ZC3H12D: variants seen among roughly 807,000 people sequenced by gnomAD.
The protein encoded by ZC3H12D is probable ribonuclease ZC3H12D.
ZC3H12D carries 11 observed loss-of-function variants against 24.2 expected under a neutral mutation model. That is an observed-to-expected ratio of 0.46 (90% CI 0.29 to 0.75). The LOEUF (loss-of-function observed/expected upper bound fraction) is 0.75. Ranked by LOEUF, ZC3H12D falls within the 30% of genes least tolerant of loss-of-function variation. The pLI, the probability that ZC3H12D is intolerant of heterozygous loss-of-function variation, is 0.11. For synonymous variants in ZC3H12D, 333 were observed against 341.8 expected (o/e 0.97, Z 0.28); for missense variants, 740 against 767.7 (o/e 0.96, Z 0.43).
rs117053307 is a variant in ZC3H12D, at chr6:149,464,198, G to T, written c.306-2228C>A. Among the ~76,000 whole-genome samples the T allele has an allele frequency of 1.5e-3, 221 of 152,268 alleles. 2 individuals carry two copies. The highest frequency in any genetic ancestry group is 2.1e-3 in the Non-Finnish European group (143 of 68,032). On this transcript the variant is annotated intron_variant, in intron 2 of 5. Transcript: ENST00000409806. Reference sequence around the variant, plus strand: ...ATATCATATGGGACTCAGGAGGGACGGATCTGAGAAGGAGGAAGAAAACCA... The same window carrying T: ...ATATCATATGGGACTCAGGAGGGACTGATCTGAGAAGGAGGAAGAAAACCA...
chr6:149,460,038 C>T (rs1240969184), intron 3 of ZC3H12D, among the ~76,000 whole-genome samples: 1 of 152,206 alleles, frequency 6.6e-6, no homozygotes, highest in Non-Finnish European at 1.5e-5. Context: ...TGTAGTGTGA[C>T]GTGTGACTCA....
intron 1 of ZC3H12D, among the ~76,000 whole-genome samples, chr6:149,475,102 C>A (rs567928502): frequency 1.3e-5 from 2 of 152,252 alleles, no homozygotes; most frequent in South Asian, 4.1e-4. Context: ...ACAGAGGGAC[C>A]ACCATGTGAA....
In ZC3H12D at chr6:149,456,622, C is replaced by CCCCCCCCCCCCCCCCCCGGGGGAAG; in HGVS notation, c.680+43_680+44insCTTCCCCCGGGGGGGGGGGGGGGGG. On this transcript the variant is annotated intron_variant, in intron 4 of 5. Transcript: ENST00000409806. The surrounding 1 kb of genome is among the most constrained non-coding windows in gnomAD (Gnocchi z 4.3). ...GGCCACTGCCTCGACCCCGGCCCCCCGCCCCGCCGCCCCCCAGGGTGTCAG... is the reference window on the plus strand; with the variant it reads ...GGCCACTGCCTCGACCCCGGCCCCCCCCCCCCCCCCCCCCCCCGGGGGAAGGCCCCGCCGCCCCCCAGGGTGTCAG... The CCCCCCCCCCCCCCCCCCGGGGGAAG allele has an allele frequency of 3.0e-6, 4 of 1,314,352 alleles. No homozygotes were observed. Among genetic ancestry groups the CCCCCCCCCCCCCCCCCCGGGGGAAG allele is most frequent in the East Asian group, 4.7e-5 (2 of 42,326 alleles). The allele number at this position is 1,314,352 out of a possible 1,614,324, so 81.4% of individuals were successfully genotyped here. A position where few individuals can be genotyped will look rare whatever the true frequency, so the allele number is the denominator to read the frequency against.
chr6:149,482,258 G>C (rs1776439355), intron 1 of ZC3H12D, among the ~76,000 whole-genome samples: 1 of 152,254 alleles, frequency 6.6e-6, no homozygotes, highest in Admixed American at 6.5e-5. Flanking sequence ...GGAGTGGGGT[G>C]CTGCTCTTAG....
Position 149,450,687 on chromosome 6 carries a change from G to A in ZC3H12D, c.1580C>T (p.Pro527Leu). The change falls in exon 6 of 6, where the codon CCC (proline) becomes CTC (leucine). Residue 527 changes from proline to leucine, a missense_variant. Transcript: ENST00000409806. The part of the protein sequence containing the change: ...CQSAGAPLGK[P>L] Reference sequence around the variant, plus strand: ...CTGCAAGTGCGTGTTGGTCCCTTAGGGCTTGCCCAGGGGCGCCCCCGCGCT... The same window carrying A: ...CTGCAAGTGCGTGTTGGTCCCTTAGAGCTTGCCCAGGGGCGCCCCCGCGCT... 6.5e-7 allele frequency: 1 copy of A among 1,527,088 alleles called. No individual in the cohort carries two copies. The highest frequency in any genetic ancestry group is 1.4e-5 in the African/African-American group (1 of 72,760). The allele number at this position is 1,527,088 out of a possible 1,614,324, so 94.6% of individuals were successfully genotyped here.
intron 3 of ZC3H12D, among the ~76,000 whole-genome samples, chr6:149,458,519 C>T (rs1347500898): frequency 6.6e-6 from 1 of 151,938 alleles, no homozygotes; most frequent in Non-Finnish European, 1.5e-5. Flanking sequence ...TTGTCTTTTT[C>T]GTTCATCATT....
Position 149,450,781 on chromosome 6 carries a change from G to A in ZC3H12D, c.1486C>T (p.Arg496Cys). 1 of 1,549,184 alleles carries A rather than the reference G, an allele frequency of 6.5e-7. No homozygotes were observed. Among genetic ancestry groups the A allele is most frequent in the Non-Finnish European group, 8.7e-7 (1 of 1,146,730 alleles). ...YSVFPRDQVD[R>C]VMAAFPELSD... ...AGCTCCGGGAACGCGGCCATCACGC[G>A]GTCCACCTGGTCACGCGGGAAGACG... The change falls in exon 6 of 6, where the codon CGC (arginine) becomes TGC (cysteine). Residue 496 changes from arginine to cysteine, a missense_variant. By Grantham distance (180) the Arg-to-Cys change is radical. Transcript: ENST00000409806.
chr6:149,447,031 G>C lies in ZC3H12D; in HGVS notation c.*3652C>G, dbSNP rs1422208176. On this transcript the variant is annotated 3_prime_UTR_variant, in exon 6 of 6. Transcript: ENST00000409806. The stretch of plus-strand genomic sequence containing the variant: ...GCAGCTTCTATGAGATGGCTTCATA[G>C]TTCTATAATGAGGATTTTAGAAGTC... 6.6e-6 allele frequency: 1 copy of C among 152,232 alleles called. No homozygotes were observed. Among genetic ancestry groups the C allele is most frequent in the Non-Finnish European group, 1.5e-5 (1 of 68,042 alleles). The allele number at this position is 152,232 out of a possible 1,614,324, so 9.4% of individuals were successfully genotyped here.
At position 149,456,932 on chromosome 6, in the gene ZC3H12D, G is replaced by A. The variant is rs939297384; in HGVS notation, c.446-32C>T. On this transcript the variant is annotated intron_variant, in intron 3 of 5. Coordinates refer to ENST00000409806, the MANE Select transcript of ZC3H12D (RefSeq NM_207360.3). The surrounding 1 kb of genome is among the most constrained non-coding windows in gnomAD (Gnocchi z 4.3). ...GCGGGGCGACGGAGACGCGGGTGAG[G>A]GCCCAAGGGCACCGCCCCTGAGAAC... 2 of 1,577,882 alleles carry A rather than the reference G, an allele frequency of 1.3e-6. No individual in the cohort carries two copies. The highest frequency in any genetic ancestry group is 1.7e-6 in the Non-Finnish European group (2 of 1,163,724).
chr6:149,468,582 C>T (rs1776196880), intron 2 of ZC3H12D, among the ~76,000 whole-genome samples: 1 of 152,216 alleles, frequency 6.6e-6, no homozygotes, highest in African/African-American at 2.4e-5. Flanking sequence ...GCTCTTGCCA[C>T]TCTGTTTCTT....
At chr6:149,459,499 G>C (rs1481082539) in intron 3 of ZC3H12D, 9 of 693,688 alleles carry the variant, frequency 1.3e-5, no homozygotes, top group South Asian at 1.3e-4. Context: ...CCACAGCCCA[G>C]AATATGCGCA....
Position 149,452,828 on chromosome 6 carries a change from G to T in ZC3H12D, c.681-106C>A. The T allele has an allele frequency of 1.0e-6, 1 of 961,130 alleles. No homozygotes were observed. The highest frequency in any genetic ancestry group is 1.6e-6 in the Non-Finnish European group (1 of 635,822). The allele number at this position is 961,130 out of a possible 1,614,324, so 59.5% of individuals were successfully genotyped here. ...TCCCCAAGAACACCAGGAAGCATTCGGCCCCGGGCCCACCATCACCCAGCA... is the reference window on the plus strand; with the variant it reads ...TCCCCAAGAACACCAGGAAGCATTCTGCCCCGGGCCCACCATCACCCAGCA... On this transcript the variant is annotated intron_variant, in intron 4 of 5. Transcript: ENST00000409806. The surrounding 1 kb of genome is among the most constrained non-coding windows in gnomAD (Gnocchi z 4.0).
Position 149,451,361 on chromosome 6 carries a change from G to GTATCATTAAA in ZC3H12D, c.905_906insTTTAATGATA (p.Ala303LeufsTer94). ...CTCTCGGTGGCCGCTGCTCCTCGGCGCCCGCGCCAGGCCGGGCCCCTGTCT... is the reference window on the plus strand; with the variant it reads ...CTCTCGGTGGCCGCTGCTCCTCGGCGTATCATTAAACCCGCGCCAGGCCGGGCCCCTGTCT... On this transcript the variant is annotated frameshift_variant, in exon 6 of 6. Coordinates refer to ENST00000409806, the MANE Select transcript of ZC3H12D (RefSeq NM_207360.3). LOFTEE classifies it low-confidence loss of function (END_TRUNC). 1 of 1,479,710 alleles carries GTATCATTAAA rather than the reference G, an allele frequency of 6.8e-7. No homozygotes were observed. The highest frequency in any genetic ancestry group is 2.3e-5 in the Admixed American group (1 of 43,982). 91.7% of individuals were successfully genotyped at this position (1,479,710 alleles called of 1,614,324 possible).
intron 1 of ZC3H12D, among the ~76,000 whole-genome samples, chr6:149,478,114 C>G (rs1776369374): frequency 6.7e-6 from 1 of 148,972 alleles, no homozygotes; most frequent in South Asian, 2.1e-4. Context: ...TTGTGGTAAG[C>G]CGGGATCATG....
chr6:149,448,254 T>C lies in ZC3H12D; in HGVS notation c.*2429A>G, dbSNP rs1020637371. 2.6e-5 allele frequency: 4 copies of C among 152,040 alleles called. No individual in the cohort carries two copies. The highest frequency in any genetic ancestry group is 6.6e-5 in the Admixed American group (1 of 15,254). 9.4% of individuals were successfully genotyped at this position (152,040 alleles called of 1,614,324 possible). A position where few individuals can be genotyped will look rare whatever the true frequency, so the allele number is the denominator to read the frequency against. ...ATGTAGTGAGCCAAGATTGCGCCAC[T>C]GCACTCCAGCCTGGGTGACAGAGCG... On this transcript the variant is annotated 3_prime_UTR_variant, in exon 6 of 6. Transcript: ENST00000409806.
In ZC3H12D at chr6:149,456,986, CG is replaced by C; in HGVS notation, c.446-87del. ...CCCCAACGCGAGGCCACCCGCTTCC[CG>C]GGCCGGTCAGATGAGGTTTTGAGGG... On this transcript the variant is annotated intron_variant, in intron 3 of 5. Coordinates refer to ENST00000409806, the MANE Select transcript of ZC3H12D (RefSeq NM_207360.3). The surrounding 1 kb of genome is among the most constrained non-coding windows in gnomAD (Gnocchi z 4.3). 1 of 1,362,136 alleles carries C rather than the reference CG, an allele frequency of 7.3e-7. No individual in the cohort carries two copies. The allele number at this position is 1,362,136 out of a possible 1,614,324, so 84.4% of individuals were successfully genotyped here.
At chr6:149,454,786 T>C (rs763632713) in intron 4 of ZC3H12D, among the ~76,000 whole-genome samples, 6 of 152,214 alleles carry the variant, frequency 3.9e-5, no homozygotes, top group Non-Finnish European at 8.8e-5. Flanking sequence ...CTGGAGCCCA[T>C]AGTTACCAGA....
At chr6:149,465,392 C>T (rs499270) in intron 2 of ZC3H12D, among the ~76,000 whole-genome samples, 54,423 of 150,300 alleles carry the variant, frequency 0.36, 10,354 homozygotes, top group African/African-American at 0.45. Flanking sequence ...ATATCCCTTT[C>T]GCTACTGAGG....
chr6:149,451,427 C>T lies in ZC3H12D; in HGVS notation c.840G>A (p.Pro280=), dbSNP rs369685661. 3.2e-6 allele frequency: 5 copies of T among 1,574,936 alleles called. No homozygotes were observed. The highest frequency in any genetic ancestry group is 4.3e-6 in the Non-Finnish European group (5 of 1,170,364). ...CGGCCACCGCCAGTTGCGCGTGGTG[C>T]GGCCTCTCCGGGTGGTAGAACTTGC... is the stretch of plus-strand genomic sequence containing the variant. ...IKCKFYHPER[P]HHAQLAVADE... The change falls in exon 6 of 6, where the codon CCG becomes CCA. Residue 280 remains proline, a synonymous_variant. Transcript: ENST00000409806.
Sources: gnomAD v4.1 joint callset for allele counts (sites outside exome capture counted in the v4.1 genomes callset) on GRCh38, gnomAD v4.1.1 for gene constraint, Gnocchi (gnomAD v3.1) non-coding constraint, MANE v1.5 for transcripts, NCBI Gene and HGNC (gene_info 2026-07-23, HGNC 2026-07-21) for gene names.